The following CTSC variants were observed in gnomAD, a reference collection of about 807,000 sequenced individuals.
CTSC encodes the protein cathepsin C.
CTSC carries 37 observed loss-of-function variants against 40.9 expected under a neutral mutation model. That is an observed-to-expected ratio of 0.91 (90% CI 0.70 to 1.19). The LOEUF (loss-of-function observed/expected upper bound fraction) is 1.19. Among genes scored for constraint, CTSC ranks in the 50% most tolerant of loss-of-function variants. CTSC has a pLI of 0.00. For synonymous variants in CTSC, 232 were observed against 207.4 expected (o/e 1.12, Z -1.02); for missense variants, 594 against 567.3 (o/e 1.05, Z -0.48).
chr11:88,324,552 G>GA (rs5793313), intron 2 of CTSC: 193,874 of 980,942 alleles, frequency 0.2, 22,485 homozygotes, highest in East Asian at 0.56. Flanking sequence ...TCTGCAAAAA[G>GA]AAAAGAAAAC....
chr11:88,329,176 A>ACAG (rs1317019246), intron 2 of CTSC, among the ~76,000 whole-genome samples: 4 of 57,968 alleles, frequency 6.9e-5, no homozygotes, highest in Admixed American at 6.2e-4. Context: ...AAAATGAGAA[A>ACAG]CAGTAGGTTA....
chr11:88,304,091 G>A (rs990040038), intron 4 of CTSC, among the ~76,000 whole-genome samples: 10 of 151,868 alleles, frequency 6.6e-5, no homozygotes, highest in African/African-American at 2.4e-4. Flanking sequence ...CTAATATAAA[G>A]GATAAAAAAG....
At chr11:88,327,831 C>A in intron 2 of CTSC, 2 of 438,738 alleles carry the variant, frequency 4.6e-6, no homozygotes, top group Non-Finnish European at 8.4e-6. Context: ...GGGTCTTTAC[C>A]CTTTTCGGTT....
chr11:88,301,799 A>AAC (rs200256827), intron 4 of CTSC, among the ~76,000 whole-genome samples: 3 of 94,626 alleles, frequency 3.2e-5, no homozygotes, highest in Non-Finnish European at 4.9e-5. Context: ...CACACACACA[A>AAC]ACACACGCGC....
chr11:88,319,632 A>G (rs1937952609), intron 2 of CTSC, among the ~76,000 whole-genome samples: 1 of 152,178 alleles, frequency 6.6e-6, no homozygotes. Flanking sequence ...ATATCTTCTT[A>G]AAATATATTT....
rs886201726 is a variant in CTSC at position 88,331,487 on chromosome 11, G to A, written c.318+3450C>T. 3.3e-5 allele frequency among the ~76,000 whole-genome samples: 5 copies of A among 152,224 alleles called. No homozygotes were observed. In the East Asian group the frequency reaches 9.6e-4, roughly 29 times the overall value. ...GAGATACATAGAGCAAGTTCTGGAAGGGTCCCAGACACAGGAGCTTCTGTC... is the reference window on the plus strand; with the variant it reads ...GAGATACATAGAGCAAGTTCTGGAAAGGTCCCAGACACAGGAGCTTCTGTC... On this transcript the variant is annotated intron_variant, in intron 2 of 6. Transcript: ENST00000227266.
intron 2 of CTSC, among the ~76,000 whole-genome samples, chr11:88,318,781 C>T (rs1937932012): frequency 6.6e-6 from 1 of 152,156 alleles, no homozygotes; most frequent in South Asian, 2.1e-4. Flanking sequence ...TGGCACACGC[C>T]TGTAATCCCA....
Position 88,294,240 on chromosome 11 carries a change from C to T in CTSC, c.1158G>A (p.Gly386=), listed in dbSNP as rs11545744. 6.2e-7 allele frequency: 1 copy of T among 1,613,960 alleles called. No individual in the cohort carries two copies. Among genetic ancestry groups the T allele is most frequent in the Non-Finnish European group, 8.5e-7 (1 of 1,180,000 alleles). ...VYDDFLHYKK[G]IYHHTGLRDP... is the part of the protein sequence containing the mutation. The stretch of plus-strand genomic sequence containing the variant: ...CTCTTAGACCAGTGTGGTGGTAGAT[C>T]CCCTTTTTGTAGTGGAGGAAGTCAT... Residue 386 remains glycine, a synonymous_variant, in exon 7 of 7, where the codon GGG becomes GGA. Coordinates refer to ENST00000227266, the MANE Select transcript of CTSC (RefSeq NM_001814.6).
At chr11:88,318,358 T>C (rs1204604812) in intron 2 of CTSC, among the ~76,000 whole-genome samples, 1 of 152,218 alleles carries the variant, frequency 6.6e-6, no homozygotes, top group African/African-American at 2.4e-5. Flanking sequence ...GATACTACTT[T>C]ACTGGACTGC....
Position 88,308,869 on chromosome 11 carries a change from G to C in CTSC, c.641+294C>G, listed in dbSNP as rs191510675. Among the ~76,000 whole-genome samples, 45 of 152,196 alleles carry C rather than the reference G, an allele frequency of 3.0e-4. 1 individual carries two copies. The East Asian group carries it at 7.3e-3, about 25-fold the overall frequency. ...AGGAAGAACCCCTCAGGTGGTTACC[G>C]GCAGGAGGCTAATCCATAGCATGGG... On this transcript the variant is annotated intron_variant, in intron 4 of 6. Coordinates refer to ENST00000227266, the MANE Select transcript of CTSC (RefSeq NM_001814.6).
At chr11:88,310,126 T>C (rs1937719059) in intron 3 of CTSC, among the ~76,000 whole-genome samples, 1 of 152,032 alleles carries the variant, frequency 6.6e-6, no homozygotes, top group South Asian at 2.1e-4. Context: ...CCCAGAAGTT[T>C]ATTAGAAATG....
intron 4 of CTSC, among the ~76,000 whole-genome samples, chr11:88,308,678 G>A (rs1489290532): frequency 6.6e-6 from 1 of 151,168 alleles, no homozygotes. Flanking sequence ...CTGTTACCTG[G>A]CCACCCCCAC....
intron 2 of CTSC, chr11:88,321,301 G>A (rs1481633861): frequency 2.6e-5 from 4 of 152,302 alleles, no homozygotes; most frequent in African/African-American, 9.7e-5. Flanking sequence ...TGAAAAATCA[G>A]ACCTTGGCAA....
chr11:88,311,110 T>C (rs1937745738), intron 3 of CTSC, among the ~76,000 whole-genome samples: 1 of 152,244 alleles, frequency 6.6e-6, no homozygotes, highest in Admixed American at 6.5e-5. Flanking sequence ...ACATGCTCAC[T>C]TCACAGGTGA....
At chr11:88,313,640 G>A (rs1937817411) in intron 2 of CTSC, among the ~76,000 whole-genome samples, 1 of 152,116 alleles carries the variant, frequency 6.6e-6, no homozygotes, top group African/African-American at 2.4e-5. Context: ...GTAGCATGTG[G>A]GAGACAGAAA....
chr11:88,312,128 A>G (rs1937776011), intron 3 of CTSC, among the ~76,000 whole-genome samples: 1 of 152,202 alleles, frequency 6.6e-6, no homozygotes, highest in Non-Finnish European at 1.5e-5. Context: ...GCTTTTCTTT[A>G]TTAGTAATTT....
At chr11:88,336,335 T>C (rs927404575) in intron 1 of CTSC, among the ~76,000 whole-genome samples, 7 of 151,236 alleles carry the variant, frequency 4.6e-5, no homozygotes, top group African/African-American at 1.7e-4. Context: ...GGTCAGGAGA[T>C]GGAGACCATC....
intron 2 of CTSC, among the ~76,000 whole-genome samples, chr11:88,328,642 T>G (rs549274649): frequency 1.3e-5 from 2 of 152,260 alleles, no homozygotes; most frequent in African/African-American, 4.8e-5. Flanking sequence ...TTTGTTTTGT[T>G]TTTGAGACAG....
chr11:88,313,191 TC>T (rs1279921265), intron 2 of CTSC, among the ~76,000 whole-genome samples: 2 of 152,102 alleles, frequency 1.3e-5, no homozygotes, highest in Non-Finnish European at 2.9e-5. Context: ...TGCCTCAACC[TC>T]CCGAGTAGCT....
Sources: allele counts gnomAD v4.1 joint callset (sites outside exome capture counted in the v4.1 genomes callset), GRCh38; gene constraint gnomAD v4.1.1; transcripts MANE v1.5; gene names NCBI Gene and HGNC (gene_info 2026-07-23, HGNC 2026-07-21).